Variants in NBEA observed in about 807,000 individuals in gnomAD.
The protein encoded by NBEA is lysosomal-trafficking regulator 2.
In NBEA, 44 loss-of-function variants were observed where a neutral mutation model predicts 343.4. That is an observed-to-expected ratio of 0.13 (90% CI 0.10 to 0.16). NBEA has a LOEUF of 0.16. NBEA is among the 10% of genes least tolerant of loss of function. The pLI is 1.00. For missense variants in NBEA, 2,555 were observed against 3,631.3 expected (o/e 0.70, Z 7.62); for synonymous variants, 1,175 against 1,238.7 (o/e 0.95, Z 1.08).
chr13:35,163,765 A>G (rs1241506930), intron 23 of NBEA, among the ~76,000 whole-genome samples: 1 of 152,022 alleles, frequency 6.6e-6, no homozygotes, highest in Non-Finnish European at 1.5e-5. Flanking sequence ...AAGTTCTTGA[A>G]TTTGTACTGA....
chr13:35,469,521 T>C (rs1450032248), intron 40 of NBEA, among the ~76,000 whole-genome samples: 4 of 152,236 alleles, frequency 2.6e-5, no homozygotes, highest in African/African-American at 7.2e-5. Context: ...TATTTTCCTT[T>C]TAATTACCAC....
intron 1 of NBEA, among the ~76,000 whole-genome samples, chr13:34,974,580 A>G (rs1202545849): frequency 1.3e-5 from 2 of 152,184 alleles, no homozygotes; most frequent in Non-Finnish European, 2.9e-5. Flanking sequence ...TTGCTTAGGT[A>G]ATGTTACTGT....
intron 41 of NBEA, among the ~76,000 whole-genome samples, chr13:35,515,866 A>T (rs773836666): frequency 2.6e-5 from 4 of 152,120 alleles, no homozygotes; most frequent in Non-Finnish European, 4.4e-5. Flanking sequence ...TGTTTCTTAT[A>T]ACTTCTCATT....
At chr13:35,399,733 G>T (rs1211331816) in intron 38 of NBEA, among the ~76,000 whole-genome samples, 2 of 152,044 alleles carry the variant, frequency 1.3e-5, no homozygotes, top group South Asian at 2.1e-4. Context: ...CTCGCTTTTG[G>T]CCTGTTTCAG....
chr13:35,641,960 T>G (rs1194278837), intron 49 of NBEA, among the ~76,000 whole-genome samples: 3 of 152,196 alleles, frequency 2.0e-5, no homozygotes, highest in African/African-American at 7.2e-5. Flanking sequence ...ATAATAAGCT[T>G]AACTTCAGGA....
intron 1 of NBEA, among the ~76,000 whole-genome samples, chr13:35,025,769 C>T (rs1331858605): frequency 6.6e-6 from 1 of 152,094 alleles, no homozygotes; most frequent in African/African-American, 2.4e-5. Flanking sequence ...TTTGCTATCG[C>T]TTACATTTTC....
At chr13:35,281,169 A>C (rs1192843859) in intron 34 of NBEA, among the ~76,000 whole-genome samples, 1 of 152,094 alleles carries the variant, frequency 6.6e-6, no homozygotes, top group African/African-American at 2.4e-5. Context: ...TATCCCAATA[A>C]ATTATTTCTT....
intron 48 of NBEA, among the ~76,000 whole-genome samples, chr13:35,610,549 TAACTC>T (rs139269145): frequency 0.018 from 2,767 of 152,156 alleles, 90 homozygotes; most frequent in African/African-American, 0.063. Flanking sequence ...ATAAAAAAAT[TAACTC>T]AAAATAGATC....
chr13:35,401,845 G>A (rs747109252), intron 38 of NBEA, among the ~76,000 whole-genome samples: 4 of 151,956 alleles, frequency 2.6e-5, no homozygotes, highest in Non-Finnish European at 5.9e-5. Context: ...TGTGAAGTGT[G>A]TGCTGAGTTT....
chr13:35,671,538 T>C lies in NBEA; in HGVS notation c.*547T>C, dbSNP rs2085615717. 1.3e-5 allele frequency: 2 copies of C among 153,142 alleles called. No individual in the cohort carries two copies. The highest frequency in any genetic ancestry group is 2.1e-4 in the South Asian group (1 of 4,850). 9.5% of individuals were successfully genotyped at this position (153,142 alleles called of 1,614,324 possible). ...ACAACTTGCATGTTCCTTACTCCTG[T>C]TGGCTTGATGGAACAGGTGCATTCA... On this transcript the variant is annotated 3_prime_UTR_variant, in exon 59 of 59. Transcript: ENST00000379939.
intron 33 of NBEA, among the ~76,000 whole-genome samples, chr13:35,222,998 G>A (rs561444451): frequency 1.5e-4 from 23 of 152,098 alleles, no homozygotes; most frequent in Non-Finnish European, 3.2e-4. Context: ...GGGTGTGGTG[G>A]CATGTGCCTG....
At chr13:35,224,682 T>C (rs1449347115) in intron 33 of NBEA, among the ~76,000 whole-genome samples, 1 of 152,194 alleles carries the variant, frequency 6.6e-6, no homozygotes, top group Non-Finnish European at 1.5e-5. Context: ...TATTAACTCT[T>C]GACATGTTAA....
chr13:35,049,280 A>G (rs1309657744), intron 5 of NBEA, among the ~76,000 whole-genome samples: 3 of 151,828 alleles, frequency 2.0e-5, no homozygotes, highest in Non-Finnish European at 4.4e-5. Flanking sequence ...GCCATACTGT[A>G]TGCTAGGCAT....
intron 47 of NBEA, among the ~76,000 whole-genome samples, chr13:35,603,088 C>G (rs111487807): frequency 4.6e-5 from 7 of 152,120 alleles, no homozygotes; most frequent in Non-Finnish European, 8.8e-5. Flanking sequence ...AAAGTTTCCC[C>G]TTAAAAGGCA....
At chr13:35,249,389 A>G (rs1250043932) in intron 34 of NBEA, among the ~76,000 whole-genome samples, 1 of 152,186 alleles carries the variant, frequency 6.6e-6, no homozygotes, top group Admixed American at 6.5e-5. Flanking sequence ...CTTATTATTC[A>G]GAATGTATAA....
intron 41 of NBEA, among the ~76,000 whole-genome samples, chr13:35,549,442 G>A (rs759697403): frequency 2.6e-5 from 4 of 152,112 alleles, no homozygotes; most frequent in African/African-American, 9.7e-5. Context: ...CCTCTGAATT[G>A]TTAATACACG....
chr13:35,162,526 G>A (rs1396403384), intron 23 of NBEA, among the ~76,000 whole-genome samples: 1 of 152,064 alleles, frequency 6.6e-6, no homozygotes, highest in Non-Finnish European at 1.5e-5. Context: ...AGGCAGAGAT[G>A]ACTCTTCTTC....
intron 1 of NBEA, among the ~76,000 whole-genome samples, chr13:34,956,023 A>G (rs2059479850): frequency 6.6e-6 from 1 of 152,164 alleles, no homozygotes; most frequent in African/African-American, 2.4e-5. Context: ...TCTCCCTTTT[A>G]TTTGACTGTT....
At chr13:35,029,353 T>C (rs989568743) in intron 1 of NBEA, among the ~76,000 whole-genome samples, 5 of 151,682 alleles carry the variant, frequency 3.3e-5, no homozygotes, top group South Asian at 2.1e-4. Flanking sequence ...GGTATCTAAA[T>C]TGATATTTGT....
Sources: allele counts gnomAD v4.1 joint callset (sites outside exome capture counted in the v4.1 genomes callset), GRCh38; gene constraint gnomAD v4.1.1; transcripts MANE v1.5; gene names NCBI Gene and HGNC (gene_info 2026-07-23, HGNC 2026-07-21).